Variants in LRTM3 observed in about 807,000 individuals in gnomAD.
The protein encoded by LRTM3 is leucine rich repeat transmembrane protein 3.
chr13:102,747,564 C>A, the LRTM3 span: 2 of 1,550,884 alleles, frequency 1.3e-6, no homozygotes, highest in South Asian at 2.4e-5. Context: ...CTTTTTACAT[C>A]TTCCTTTTCT....
At chr13:102,745,057 T>C in the LRTM3 span, 4 of 1,550,904 alleles carry the variant, frequency 2.6e-6, no homozygotes, top group Non-Finnish European at 3.5e-6. Flanking sequence ...GGCATTTCTT[T>C]GTCTCCTCTC....
At chr13:102,743,160 C>T in the LRTM3 span, 2 of 1,550,638 alleles carry the variant, frequency 1.3e-6, no homozygotes, top group Non-Finnish European at 1.7e-6. Flanking sequence ...TTCTCTTCCC[C>T]ACTTTCTCTA....
At chr13:102,741,608 G>T in the LRTM3 span, 2 of 1,550,440 alleles carry the variant, frequency 1.3e-6, no homozygotes, top group East Asian at 2.4e-5. Flanking sequence ...CCCCAGGTTT[G>T]TCATAGAAAT....
At chr13:102,733,921 A>T in the LRTM3 span, 1 of 1,551,218 alleles carries the variant, frequency 6.4e-7, no homozygotes, top group East Asian at 2.4e-5. Context: ...TTTTCTGGGT[A>T]TTTGAGGGTA....
chr13:102,757,937 TA>T, the LRTM3 span, among the ~76,000 whole-genome samples: 1 of 152,330 alleles, frequency 6.6e-6, no homozygotes, highest in Admixed American at 6.5e-5. Flanking sequence ...AAAATATTGA[TA>T]GCATCAAGAG....
the LRTM3 span, chr13:102,742,414 T>C: frequency 6.5e-7 from 1 of 1,547,122 alleles, no homozygotes; most frequent in Non-Finnish European, 8.7e-7. Flanking sequence ...CACACAGCTC[T>C]TGCTGTTTCT....
At chr13:102,736,356 T>A in the LRTM3 span, 1 of 1,551,116 alleles carries the variant, frequency 6.4e-7, no homozygotes, top group Non-Finnish European at 8.7e-7. Flanking sequence ...GGTGCTGATG[T>A]CTTTGCCTTG....
chr13:102,746,582 A>G, the LRTM3 span: 1 of 1,551,104 alleles, frequency 6.4e-7, no homozygotes, highest in Non-Finnish European at 8.7e-7. Flanking sequence ...TGATGGCTTC[A>G]CAGCCTTTGT....
At chr13:102,744,356 G>A in the LRTM3 span, 1 of 1,550,248 alleles carries the variant, frequency 6.5e-7, no homozygotes, top group Admixed American at 2.0e-5. Flanking sequence ...TTGATTCCAT[G>A]CAGTTTTCTC....
chr13:102,735,481 G>T, the LRTM3 span: 1,430 of 1,551,218 alleles, frequency 9.2e-4, 11 homozygotes, highest in African/African-American at 0.016. Context: ...AAGTATTAAT[G>T]CTTGGCAGTC....
chr13:102,747,958 C>T, the LRTM3 span: 6 of 1,551,194 alleles, frequency 3.9e-6, no homozygotes, highest in Admixed American at 5.9e-5. Context: ...TTGCCTCTTT[C>T]TCCTGTTCCT....
chr13:102,738,508 C>T, the LRTM3 span: 11 of 1,550,868 alleles, frequency 7.1e-6, no homozygotes, highest in East Asian at 2.4e-4. Context: ...TAATGTCCAA[C>T]TGAATTCCCT....
the LRTM3 span, chr13:102,733,311 T>C: frequency 6.4e-7 from 1 of 1,551,396 alleles, no homozygotes; most frequent in Non-Finnish European, 8.7e-7. Flanking sequence ...GGAGAAAACA[T>C]TTTGCTGATT....
chr13:102,729,865 C>T, the LRTM3 span: 1 of 1,551,952 alleles, frequency 6.4e-7, no homozygotes, highest in Non-Finnish European at 8.7e-7. Context: ...ATCTGGCCTT[C>T]TTTCTTTCTT....
the LRTM3 span, chr13:102,729,749 T>A: frequency 6.4e-7 from 1 of 1,551,944 alleles, no homozygotes; most frequent in Non-Finnish European, 8.7e-7. Flanking sequence ...ATCCAATCTT[T>A]CTGACTCATA....
chr13:102,731,444 C>T, the LRTM3 span: 1 of 1,551,412 alleles, frequency 6.4e-7, no homozygotes, highest in Non-Finnish European at 8.7e-7. Flanking sequence ...CTCTAAATGA[C>T]TAGTAAGCTT....
At chr13:102,747,016 C>T in the LRTM3 span, 3 of 1,551,236 alleles carry the variant, frequency 1.9e-6, no homozygotes, top group Non-Finnish European at 2.6e-6. Context: ...TAATCTCCTT[C>T]TCTAGATGTG....
chr13:102,757,657 A>G, the LRTM3 span, among the ~76,000 whole-genome samples: 3 of 152,156 alleles, frequency 2.0e-5, no homozygotes, highest in African/African-American at 7.2e-5. Context: ...GCTAATGTTC[A>G]TTCATCCTTT....
At chr13:102,731,416 T>C in the LRTM3 span, 17 of 1,551,514 alleles carry the variant, frequency 1.1e-5, no homozygotes, top group East Asian at 3.7e-4. Flanking sequence ...GATTCAGTTG[T>C]ATTTCAAGTG....
Sources: gnomAD v4.1 joint callset for allele counts (sites outside exome capture counted in the v4.1 genomes callset) on GRCh38, gnomAD v4.1.1 for gene constraint, MANE v1.5 for transcripts, NCBI Gene and HGNC (gene_info 2026-07-23, HGNC 2026-07-21) for gene names.